ITIH5: variants seen among roughly 807,000 people sequenced by gnomAD.
ITIH5 encodes the protein inter-alpha-trypsin inhibitor heavy chain 5, also known as inter-alpha-trypsin inhibitor heavy chain H5.
A neutral mutation model predicts 77.5 loss-of-function variants in ITIH5; 65 were observed. The ratio of observed to expected loss-of-function variants is 0.84; its 90% confidence interval spans 0.69 to 1.03. The LOEUF (loss-of-function observed/expected upper bound fraction) is 1.03, where lower values mean the gene tolerates loss of function less well. Among genes scored for constraint, ITIH5 ranks in the 50% least tolerant of loss-of-function variants. The pLI, the probability that ITIH5 is intolerant of heterozygous loss-of-function variation, is 0.00. For missense variants in ITIH5, 1,208 were observed against 1,213.1 expected, an observed-to-expected ratio of 1.00 and a Z score of 0.06; for synonymous variants, 525 against 494.3, an observed-to-expected ratio of 1.06 and a Z score of -0.82.
chr10:7,599,355 G>A (rs1036666161), intron 7 of ITIH5, among the ~76,000 whole-genome samples: 7 of 152,190 alleles, frequency 4.6e-5, no homozygotes, highest in Non-Finnish European at 1.0e-4. Flanking sequence ...GCTCTAATAG[G>A]AAGTAAGAGG....
At chr10:7,630,738 T>C (rs7921363) in intron 5 of ITIH5, among the ~76,000 whole-genome samples, 26,960 of 152,168 alleles carry the variant, frequency 0.18, 3,016 homozygotes, top group Non-Finnish European at 0.25. Flanking sequence ...AAATATATGA[T>C]TTGCAAATAT....
chr10:7,644,913 C>CATATATATCACAT (rs1833984067), intron 2 of ITIH5, among the ~76,000 whole-genome samples: 1 of 27,622 alleles, frequency 3.6e-5, no homozygotes, highest in Non-Finnish European at 7.3e-5. Context: ...ATATATATCA[C>CATATATATCACAT]ATATATATAT....
intron 5 of ITIH5, among the ~76,000 whole-genome samples, chr10:7,630,672 C>A (rs1833697440): frequency 6.6e-6 from 1 of 152,178 alleles, no homozygotes; most frequent in Non-Finnish European, 1.5e-5. Context: ...GTTGTTTATC[C>A]TTTTGTGGTT....
At position 7,562,879 on chromosome 10, in the gene ITIH5, A is replaced by G. The variant is rs185371167; in HGVS notation, c.*204T>C. On this transcript the variant is annotated 3_prime_UTR_variant, in exon 14 of 14. Coordinates refer to ENST00000397146, the MANE Select transcript of ITIH5 (RefSeq NM_030569.7). ...AGGCAGGAAGAGGCAGTAGAGGGAA[A>G]TGACATTTGCACTCAGGCTTCCCGC... 3.0e-3 allele frequency: 1,849 copies of G among 624,020 alleles called. 15 individuals are homozygous for G. Among genetic ancestry groups the G allele is most frequent in the South Asian group, 0.014 (742 of 54,572 alleles). 38.7% of individuals were successfully genotyped at this position (624,020 alleles called of 1,614,324 possible).
At chr10:7,655,551 C>G (rs987887801) in intron 2 of ITIH5, 80 bp downstream of exon 2, 1 of 1,176,818 alleles carries the variant, frequency 8.5e-7, no homozygotes, top group East Asian at 2.3e-5. Context: ...GGAGGATCTG[C>G]AAGCAAAGTG....
chr10:7,565,049 ACATATATACACACATAGACTG>A (rs1194537939), intron 13 of ITIH5, among the ~76,000 whole-genome samples: 14 of 134,876 alleles, frequency 1.0e-4, no homozygotes, highest in South Asian at 7.2e-4. Context: ...ATATATATAT[ACATATATACACACATAGACTG>A]TATATATATA....
intron 8 of ITIH5, 39 bp from the exon 9 acceptor site, chr10:7,580,103 C>G (rs1832518526): frequency 1.3e-6 from 2 of 1,503,406 alleles, no homozygotes. Context: ...AGCCTCTGCA[C>G]TCACCTCCGC....
chr10:7,638,608 G>A (rs764541410), intron 4 of ITIH5, among the ~76,000 whole-genome samples: 1 of 152,188 alleles, frequency 6.6e-6, no homozygotes, highest in Non-Finnish European at 1.5e-5. Context: ...TACTTCTCAT[G>A]CACCCATTCT....
intron 11 of ITIH5, chr10:7,572,732 G>C (rs1832325990): frequency 5.6e-6 from 1 of 178,958 alleles, no homozygotes; most frequent in Non-Finnish European, 1.1e-5. Context: ...TGAATGAGCT[G>C]GTATTTTTAA....
Position 7,617,227 on chromosome 10 carries a change from G to A in ITIH5, c.708C>T (p.Asn236=). The change falls in exon 6 of 14, where the codon AAC becomes AAT. Residue 236 remains asparagine, a synonymous_variant. Coordinates refer to ENST00000397146, the MANE Select transcript of ITIH5 (RefSeq NM_030569.7). The part of the protein sequence containing the change: ...TVINQNETFA[N]IIFKPTVVQQ... Reference sequence around the variant, plus strand: ...GTACTACAGTAGGTTTAAAAATTATGTTGGCAAATGTTTCATTTTGGTTAA... The same window carrying A: ...GTACTACAGTAGGTTTAAAAATTATATTGGCAAATGTTTCATTTTGGTTAA... 1.2e-6 allele frequency: 2 copies of A among 1,600,062 alleles called. No individual in the cohort carries two copies. Among genetic ancestry groups the A allele is most frequent in the Non-Finnish European group, 1.7e-6 (2 of 1,174,030 alleles).
At chr10:7,635,631 C>T (rs941107438) in intron 5 of ITIH5, among the ~76,000 whole-genome samples, 3 of 152,148 alleles carry the variant, frequency 2.0e-5, no homozygotes, top group African/African-American at 7.2e-5. Context: ...CTGGGTCTCT[C>T]GCAGAGCCAG....
chr10:7,582,353 G>A (rs1233365290), intron 8 of ITIH5, among the ~76,000 whole-genome samples: 1 of 152,134 alleles, frequency 6.6e-6, no homozygotes, highest in Non-Finnish European at 1.5e-5. Flanking sequence ...GCTACAGTGA[G>A]GTTTCTGGGT....
chr10:7,621,057 T>C (rs1833467406), intron 5 of ITIH5: 1 of 152,160 alleles, frequency 6.6e-6, no homozygotes, highest in Non-Finnish European at 1.5e-5. Context: ...ACTCCGCCAT[T>C]TGTGTTTTAA....
chr10:7,623,802 C>CAAAAA (rs55790282), intron 5 of ITIH5, among the ~76,000 whole-genome samples: 42 of 80,344 alleles, frequency 5.2e-4, no homozygotes, highest in African/African-American at 2.0e-3. Flanking sequence ...GACTCCATCT[C>CAAAAA]AAAAAAAAAA....
intron 2 of ITIH5, among the ~76,000 whole-genome samples, chr10:7,645,377 A>G (rs1833995057): frequency 6.6e-6 from 1 of 152,186 alleles, no homozygotes; most frequent in South Asian, 2.1e-4. Flanking sequence ...GACCAGCAGC[A>G]TCACCATCAC....
intron 7 of ITIH5, among the ~76,000 whole-genome samples, chr10:7,608,920 C>T (rs1407949499): frequency 6.7e-6 from 1 of 150,114 alleles, no homozygotes; most frequent in Non-Finnish European, 1.5e-5. Context: ...TAGGTGACAT[C>T]TGTGTGCACT....
intron 7 of ITIH5, among the ~76,000 whole-genome samples, chr10:7,613,711 G>A (rs1833304727): frequency 6.6e-6 from 1 of 152,190 alleles, no homozygotes; most frequent in Admixed American, 6.5e-5. Flanking sequence ...TTTAAGAGGT[G>A]AGCTCAGCAT....
chr10:7,632,947 T>C (rs890418574), intron 5 of ITIH5, among the ~76,000 whole-genome samples: 1 of 152,220 alleles, frequency 6.6e-6, no homozygotes, highest in Non-Finnish European at 1.5e-5. Flanking sequence ...ATTTAGGCCA[T>C]AAGTGAGACA....
At position 7,637,467 on chromosome 10, in the gene ITIH5, G is replaced by C. The variant is rs779791904; in HGVS notation, c.413C>G (p.Thr138Ser). 1.2e-6 allele frequency: 2 copies of C among 1,613,908 alleles called. No homozygotes were observed. The highest frequency in any genetic ancestry group is 2.2e-5 in the East Asian group (1 of 44,884). The change falls in exon 5 of 14, where the codon ACT becomes AGT. Residue 138 changes from threonine to serine, a missense_variant. Coordinates refer to ENST00000397146, the MANE Select transcript of ITIH5 (RefSeq NM_030569.7). The stretch of plus-strand genomic sequence containing the variant: ...CACTGCAGAAGCTCTGAATATTTCA[G>C]TCCCCTTCTCTCTGTCAGGAAAAAG... ...KTTEENGEKG[T>S]EIFRASAVIP...
Sources: gnomAD v4.1 joint callset for allele counts (sites outside exome capture counted in the v4.1 genomes callset) on GRCh38, gnomAD v4.1.1 for gene constraint, MANE v1.5 for transcripts, NCBI Gene and HGNC (gene_info 2026-07-23, HGNC 2026-07-21) for gene names.